GRID2: variants seen among roughly 807,000 people sequenced by gnomAD.
The protein encoded by GRID2 is glutamate receptor ionotropic, delta-2.
GRID2 carries 33 observed loss-of-function variants against 114.8 expected under a neutral mutation model. The ratio of observed to expected loss-of-function variants is 0.29; its 90% CI spans 0.22 to 0.38. The LOEUF is 0.38. GRID2 is among the 10% of genes least tolerant of loss of function. GRID2 has a pLI of 1.00. For synonymous variants in GRID2, 505 were observed against 449.9 expected, an observed-to-expected ratio of 1.12 and a Z score of -1.55; for missense variants, 1,184 against 1,257.7, an observed-to-expected ratio of 0.94 and a Z score of 0.89.
At chr4:92,680,090 T>A (rs1733575518) in intron 2 of GRID2, among the ~76,000 whole-genome samples, 1 of 152,204 alleles carries the variant, frequency 6.6e-6, no homozygotes, top group African/African-American at 2.4e-5. Flanking sequence ...CAGGAAGAAC[T>A]CTTTACTGGA....
At chr4:92,993,324 G>A (rs1578699131) in intron 2 of GRID2, among the ~76,000 whole-genome samples, 1 of 150,308 alleles carries the variant, frequency 6.7e-6, no homozygotes. Context: ...TCTGTTGAAT[G>A]CAGTTACTTT....
At chr4:92,897,661 A>C (rs1442332363) in intron 2 of GRID2, among the ~76,000 whole-genome samples, 2 of 152,172 alleles carry the variant, frequency 1.3e-5, no homozygotes, top group African/African-American at 2.4e-5. Context: ...TGAGAAAGTC[A>C]TTCAAGTGTG....
Position 93,590,596 on chromosome 4 carries a change from G to A in GRID2, c.2194-35673G>A, listed in dbSNP as rs527852054. Reference sequence around the variant, plus strand: ...GTTTTTTCCAATTCTCTGAAGAAAGGCATTGGTAGCTTGATGGGGATAGCA... The same window carrying A: ...GTTTTTTCCAATTCTCTGAAGAAAGACATTGGTAGCTTGATGGGGATAGCA... On this transcript the variant is annotated intron_variant, in intron 13 of 15. Coordinates refer to ENST00000282020, the MANE Select transcript of GRID2 (RefSeq NM_001510.4). Among the ~76,000 whole-genome samples, 586 of 152,164 alleles carry A rather than the reference G, an allele frequency of 3.9e-3. 2 individuals are homozygous for A. The highest frequency in any genetic ancestry group is 0.014 in the African/African-American group (561 of 41,512).
chr4:93,089,979 A>G (rs1730638315), intron 3 of GRID2, among the ~76,000 whole-genome samples: 1 of 152,122 alleles, frequency 6.6e-6, no homozygotes, highest in African/African-American at 2.4e-5. Context: ...TGGGGAATCC[A>G]TGTGTCTTGT....
rs2110097866 is a variant in GRID2, at chr4:92,303,985, G to C, written c.-672G>C. ...CCCAGCAAACCGGCTCCCCGGGCCC[G>C]CCTCGCCAAGCTGCGTTCCGCGCCT... is the stretch of plus-strand genomic sequence containing the variant. On this transcript the variant is annotated 5_prime_UTR_variant, in exon 1 of 16. Transcript: ENST00000282020. The C allele has an allele frequency of 6.5e-6, 1 of 153,048 alleles. No individual in the cohort carries two copies. The highest frequency in any genetic ancestry group is 1.9e-4 in the East Asian group (1 of 5,186). The allele number at this position is 153,048 out of a possible 1,614,324, so 9.5% of individuals were successfully genotyped here.
chr4:93,162,974 A>G (rs1025086340), intron 4 of GRID2, among the ~76,000 whole-genome samples: 1 of 152,000 alleles, frequency 6.6e-6, no homozygotes, highest in Non-Finnish European at 1.5e-5. Context: ...TCTAGAGCAT[A>G]ATAGTTTTAG....
chr4:92,319,442 G>GAA (rs1726189205), intron 1 of GRID2, among the ~76,000 whole-genome samples: 1 of 152,194 alleles, frequency 6.6e-6, no homozygotes, highest in Admixed American at 6.5e-5. Context: ...ATGAGAGGAA[G>GAA]AAAAGTTTCC....
intron 4 of GRID2, among the ~76,000 whole-genome samples, chr4:93,195,496 C>T (rs1741396257): frequency 6.6e-6 from 1 of 152,156 alleles, no homozygotes; most frequent in African/African-American, 2.4e-5. Context: ...GTGGTTCTAA[C>T]ATATGCCATA....
At chr4:93,699,185 AT>A (rs1285599836) in intron 14 of GRID2, among the ~76,000 whole-genome samples, 1 of 152,120 alleles carries the variant, frequency 6.6e-6, no homozygotes, top group Non-Finnish European at 1.5e-5. Flanking sequence ...AAAATTACCA[AT>A]TTTTTAAAAG....
chr4:92,934,642 A>G (rs1388828705), intron 2 of GRID2, among the ~76,000 whole-genome samples: 1 of 146,580 alleles, frequency 6.8e-6, no homozygotes, highest in African/African-American at 2.4e-5. Flanking sequence ...AAACTATACT[A>G]CAAGGCTACA....
At chr4:93,130,246 C>T (rs936748364) in intron 4 of GRID2, among the ~76,000 whole-genome samples, 2 of 152,092 alleles carry the variant, frequency 1.3e-5, no homozygotes, top group Non-Finnish European at 2.9e-5. Context: ...TTGAGACCAG[C>T]CTGGGCAACA....
chr4:93,458,007 G>C (rs1723369544), intron 11 of GRID2, among the ~76,000 whole-genome samples: 1 of 152,114 alleles, frequency 6.6e-6, no homozygotes, highest in South Asian at 2.1e-4. Context: ...AAATTTTGAA[G>C]ACATGGGAGT....
intron 8 of GRID2, among the ~76,000 whole-genome samples, chr4:93,246,069 G>C (rs1259506324): frequency 6.6e-6 from 1 of 152,096 alleles, no homozygotes; most frequent in Non-Finnish European, 1.5e-5. Flanking sequence ...GTCCTTTATG[G>C]CTCCAAAATT....
rs78076403 is a variant in GRID2 at position 93,306,841 on chromosome 4, A to G, written c.1245+68351A>G. 7.3e-3 allele frequency among the ~76,000 whole-genome samples: 1,114 copies of G among 152,306 alleles called. 29 individuals are homozygous for G. The highest frequency in any genetic ancestry group is 0.058 in the East Asian group (300 of 5,184). ...TTTCCAAACCAATGACTTCTTGGTA[A>G]CTATAATAAAGGTTTATATTTTACT... On this transcript the variant is annotated intron_variant, in intron 8 of 15. Coordinates refer to ENST00000282020, the MANE Select transcript of GRID2 (RefSeq NM_001510.4).
Position 92,959,000 on chromosome 4 carries a change from G to C in GRID2, c.245-125995G>C, listed in dbSNP as rs952370135. 4.0e-5 allele frequency among the ~76,000 whole-genome samples: 6 copies of C among 148,774 alleles called. No individual in the cohort carries two copies. In the South Asian group the frequency reaches 6.5e-4, roughly 16 times the overall value. ...TTTATTATCATTTGCATGTCCATTA[G>C]ATCTGTAGTGATGTGTCTTCTTTCA... is the stretch of plus-strand genomic sequence containing the variant. On this transcript the variant is annotated intron_variant, in intron 2 of 15. Transcript: ENST00000282020.
chr4:92,572,896 G>C lies in GRID2; in HGVS notation c.89-17235G>C, dbSNP rs181359855. On this transcript the variant is annotated intron_variant, in intron 1 of 15. Transcript: ENST00000282020. ...TTTTTGGAATAGTATCAGTAGGAAT[G>C]GTACTGGCTTTTCTTTGTACCTCTG... Among the ~76,000 whole-genome samples the C allele has an allele frequency of 2.3e-3, 354 of 152,080 alleles. 2 individuals carry two copies. The highest frequency in any genetic ancestry group is 8.3e-3 in the African/African-American group (344 of 41,514).
intron 11 of GRID2, among the ~76,000 whole-genome samples, chr4:93,464,947 T>C (rs1724128655): frequency 6.6e-6 from 1 of 152,250 alleles, no homozygotes; most frequent in African/African-American, 2.4e-5. Context: ...CCTAAAAGTA[T>C]ATCTTCTGCC....
intron 1 of GRID2, among the ~76,000 whole-genome samples, chr4:92,582,723 G>A (rs959045419): frequency 1.3e-5 from 2 of 151,886 alleles, no homozygotes; most frequent in Non-Finnish European, 2.9e-5. Flanking sequence ...AGCGCTTTGG[G>A]ATGCAGAGGT....
intron 12 of GRID2, among the ~76,000 whole-genome samples, chr4:93,510,967 C>T (rs568610227): frequency 2.6e-5 from 4 of 152,182 alleles, no homozygotes; most frequent in South Asian, 2.1e-4. Flanking sequence ...GAGGGAGTCT[C>T]GCTCTGTTGC....
Sources: gnomAD v4.1 joint callset for allele counts (sites outside exome capture counted in the v4.1 genomes callset) on GRCh38, gnomAD v4.1.1 for gene constraint, MANE v1.5 for transcripts, NCBI Gene and HGNC (gene_info 2026-07-23, HGNC 2026-07-21) for gene names.